Variants in RRP15 observed in about 807,000 individuals in gnomAD.
RRP15 encodes ribosomal RNA processing 15 homolog.
In RRP15, 18 loss-of-function variants were observed where a neutral mutation model predicts 27.1. The ratio of observed to expected loss-of-function variants is 0.66; its 90% confidence interval spans 0.46 to 0.98. The LOEUF (loss-of-function observed/expected upper bound fraction) is 0.98, where lower values mean the gene tolerates loss of function less well. RRP15 is among the 50% of genes least tolerant of loss of function. The pLI is 0.00. For missense variants in RRP15, 359 were observed against 337.8 expected (o/e 1.06, Z -0.49); for synonymous variants, 107 against 109.4 (o/e 0.98, Z 0.14).
At chr1:218,311,705 G>A (rs1021780416) in intron 4 of RRP15, among the ~76,000 whole-genome samples, 3 of 152,132 alleles carry the variant, frequency 2.0e-5, no homozygotes, top group Admixed American at 6.5e-5. Flanking sequence ...CGGACTAAAC[G>A]TCTTATTTTC....
At chr1:218,326,872 G>A (rs1479334550) in intron 4 of RRP15, among the ~76,000 whole-genome samples, 2 of 152,182 alleles carry the variant, frequency 1.3e-5, no homozygotes, top group African/African-American at 4.8e-5. Context: ...AGCACTAAAT[G>A]TTTCTCAAAG....
At position 218,285,304 on chromosome 1, in the gene RRP15, C is replaced by A. The variant is rs751865868; in HGVS notation, c.-13C>A. 1 of 1,612,794 alleles carries A rather than the reference C, an allele frequency of 6.2e-7. No individual in the cohort carries two copies. Among genetic ancestry groups the A allele is most frequent in the Non-Finnish European group, 8.5e-7 (1 of 1,179,616 alleles). ...CGGACGCAACTGTCAGGTGACGCTT[C>A]CGGCGCAGAAAAATGGCAGCCGCCG... On this transcript the variant is annotated 5_prime_UTR_variant, in exon 1 of 5. Transcript: ENST00000366932.
chr1:218,304,958 A>G, intron 2 of RRP15, 70 bp from the exon 3 acceptor site: 3 of 1,371,864 alleles, frequency 2.2e-6, no homozygotes, highest in Non-Finnish European at 1.0e-6. Context: ...TTCACAGAGT[A>G]TCATACCAAT....
chr1:218,335,184 T>TA lies in RRP15; in HGVS notation c.*4094dup, dbSNP rs1656430234. 6.6e-6 allele frequency: 1 copy of TA among 152,190 alleles called. No homozygotes were observed. Among genetic ancestry groups the TA allele is most frequent in the Non-Finnish European group, 1.5e-5 (1 of 68,036 alleles). The allele number at this position is 152,190 out of a possible 1,614,324, so 9.4% of individuals were successfully genotyped here. On this transcript the variant is annotated 3_prime_UTR_variant, in exon 5 of 5. Transcript: ENST00000366932. The stretch of plus-strand genomic sequence containing the variant: ...CTTAGAGAGCAATATTAATATTTTT[T>TA]ACCTAGTCTACTGAACATAATTTCA...
intron 4 of RRP15, among the ~76,000 whole-genome samples, chr1:218,326,806 G>C (rs572988820): frequency 6.6e-6 from 1 of 152,270 alleles, no homozygotes; most frequent in African/African-American, 2.4e-5. Context: ...TACCTCTTCA[G>C]AATTTAAACC....
chr1:218,317,598 A>G (rs960413098), intron 4 of RRP15, among the ~76,000 whole-genome samples: 2 of 152,230 alleles, frequency 1.3e-5, no homozygotes, highest in African/African-American at 4.8e-5. Flanking sequence ...TTATTTATAA[A>G]TTCAAGTTAG....
intron 4 of RRP15, among the ~76,000 whole-genome samples, chr1:218,310,274 A>T (rs1179502848): frequency 1.3e-5 from 2 of 152,228 alleles, no homozygotes; most frequent in Non-Finnish European, 2.9e-5. Context: ...TTCAGAGCAC[A>T]GATTTTTAAA....
intron 4 of RRP15, among the ~76,000 whole-genome samples, chr1:218,330,241 G>C (rs966001051): frequency 3.3e-5 from 5 of 152,136 alleles, no homozygotes; most frequent in African/African-American, 1.2e-4. Flanking sequence ...AGGTGGTACT[G>C]TTGTACCATG....
At chr1:218,300,289 A>G (rs10157975) in intron 1 of RRP15, among the ~76,000 whole-genome samples, 5,023 of 152,150 alleles carry the variant, frequency 0.033, 263 homozygotes, top group African/African-American at 0.11. Flanking sequence ...GTTCTTTGCT[A>G]TGTAATGTTC....
intron 1 of RRP15, among the ~76,000 whole-genome samples, chr1:218,300,057 G>A (rs1655786605): frequency 6.6e-6 from 1 of 151,936 alleles, no homozygotes; most frequent in African/African-American, 2.4e-5. Context: ...AAAGCCTAGA[G>A]TCACAAATGT....
rs1217282824 is a variant in RRP15 at position 218,331,756 on chromosome 1, A to G, written c.*665A>G. On this transcript the variant is annotated 3_prime_UTR_variant, in exon 5 of 5. Coordinates refer to ENST00000366932, the MANE Select transcript of RRP15 (RefSeq NM_016052.4). The stretch of plus-strand genomic sequence containing the variant: ...GGCGTGATCTCGGCTCACTGCAAGC[A>G]CCGCCTCCCAGGTTCACGCCATTCT... 2 of 127,556 alleles carry G rather than the reference A, an allele frequency of 1.6e-5. No homozygotes were observed. The highest frequency in any genetic ancestry group is 3.1e-5 in the Non-Finnish European group (2 of 63,856). 7.9% of individuals were successfully genotyped at this position (127,556 alleles called of 1,614,324 possible).
At chr1:218,328,641 C>CAA (rs1656315066) in intron 4 of RRP15, among the ~76,000 whole-genome samples, 1 of 151,380 alleles carries the variant, frequency 6.6e-6, no homozygotes, top group Non-Finnish European at 1.5e-5. Context: ...CCAGCCTGGG[C>CAA]GACAGAGCGA....
At chr1:218,312,375 C>T (rs771615723) in intron 4 of RRP15, among the ~76,000 whole-genome samples, 1 of 151,290 alleles carries the variant, frequency 6.6e-6, no homozygotes. Context: ...TCTCTATCCC[C>T]GTTCTTAAAA....
chr1:218,291,357 A>C (rs1475409781), intron 1 of RRP15, among the ~76,000 whole-genome samples: 1 of 151,106 alleles, frequency 6.6e-6, no homozygotes, highest in Non-Finnish European at 1.5e-5. Context: ...AGGCATAAGA[A>C]TCACTTGAAC....
chr1:218,335,062 C>G lies in RRP15; in HGVS notation c.*3971C>G, dbSNP rs926334009. On this transcript the variant is annotated 3_prime_UTR_variant, in exon 5 of 5. Transcript: ENST00000366932. ...TTGTGATTAATGTTTTAATAAAATG[C>G]TAAGTTAGAATGAATAATCATAATT... The G allele has an allele frequency of 2.0e-5, 3 of 152,104 alleles. No individual in the cohort carries two copies. Among genetic ancestry groups the G allele is most frequent in the Non-Finnish European group, 4.4e-5 (3 of 68,038 alleles). The allele number at this position is 152,104 out of a possible 1,614,324, so 9.4% of individuals were successfully genotyped here.
At chr1:218,325,017 C>T (rs1038638835) in intron 4 of RRP15, among the ~76,000 whole-genome samples, 23 of 152,148 alleles carry the variant, frequency 1.5e-4, no homozygotes, top group African/African-American at 5.5e-4. Context: ...TCATCTGGGA[C>T]TTAAATTTTC....
Position 218,308,050 on chromosome 1 carries a change from GTTTC to G in RRP15, c.705+430_705+433del, listed in dbSNP as rs1215396204. ...CTTTGCTTCTCCAGCTGCCTCAGTA[GTTTC>G]TTTCTTTCTTTTTTTTTTTTTTTTT... On this transcript the variant is annotated intron_variant, in intron 4 of 4. Transcript: ENST00000366932. Among the ~76,000 whole-genome samples the G allele has an allele frequency of 6.0e-3, 679 of 112,350 alleles. 10 individuals are homozygous for G. The highest frequency in any genetic ancestry group is 0.02 in the African/African-American group (630 of 31,694). 73.7% of individuals were successfully genotyped at this position (112,350 alleles called of 152,430 possible).
Position 218,307,431 on chromosome 1 carries a change from G to A in RRP15, c.504G>A (p.Arg168=), listed in dbSNP as rs1400775823. 1 of 1,611,754 alleles carries A rather than the reference G, an allele frequency of 6.2e-7. No homozygotes were observed. Among genetic ancestry groups the A allele is most frequent in the Non-Finnish European group, 8.5e-7 (1 of 1,178,336 alleles). Residue 168 remains arginine, a splice_region_variant and synonymous_variant, in exon 4 of 5, where the codon AGG becomes AGA. Transcript: ENST00000366932. ...ATTCTGGTCATTTTATATTCTACAG[G>A]GGTGTGGTGCAATTATTTAATGCTG... is the stretch of plus-strand genomic sequence containing the variant. ...TERNLQRIAT[R]GVVQLFNAVQ... is the part of the protein sequence containing the mutation.
chr1:218,293,343 G>T (rs186592587), intron 1 of RRP15, among the ~76,000 whole-genome samples: 145 of 152,306 alleles, frequency 9.5e-4, no homozygotes, highest in African/African-American at 3.4e-3. Context: ...GTGACCCATG[G>T]AGGTGGATTT....
Sources: allele counts gnomAD v4.1 joint callset (sites outside exome capture counted in the v4.1 genomes callset), GRCh38; gene constraint gnomAD v4.1.1; transcripts MANE v1.5; gene names NCBI Gene and HGNC (gene_info 2026-07-23, HGNC 2026-07-21).